SORCS3: variants seen among roughly 807,000 people sequenced by gnomAD.
The protein encoded by SORCS3 is VPS10 domain-containing receptor SorCS3.
In SORCS3, 57 loss-of-function variants were observed where a neutral mutation model predicts 146.3. The ratio of observed to expected loss-of-function variants is 0.39; its 90% CI spans 0.31 to 0.49. The LOEUF is 0.49. Among genes scored for constraint, SORCS3 ranks in the 20% least tolerant of loss-of-function variants. The probability of loss-of-function intolerance (pLI) is 0.92; values close to 1 mark genes in which losing one functional copy is unlikely to be tolerated. For synonymous variants in SORCS3, 653 were observed against 618.5 expected, an observed-to-expected ratio of 1.06 and a Z score of -0.83; for missense variants, 1,341 against 1,575.5, an observed-to-expected ratio of 0.85 and a Z score of 2.52.
At chr10:105,211,501 G>C (rs752547810) in intron 17 of SORCS3, among the ~76,000 whole-genome samples, 4 of 152,062 alleles carry the variant, frequency 2.6e-5, no homozygotes, top group Non-Finnish European at 4.4e-5. Context: ...TTACTGTTTT[G>C]GTTAATCCTT....
intron 1 of SORCS3, among the ~76,000 whole-genome samples, chr10:104,772,975 A>G (rs2017269179): frequency 6.6e-6 from 1 of 152,182 alleles, no homozygotes; most frequent in African/African-American, 2.4e-5. Context: ...ATTACCAATA[A>G]TTAGTAAATT....
intron 1 of SORCS3, among the ~76,000 whole-genome samples, chr10:104,662,976 G>T (rs1012423489): frequency 3.3e-5 from 5 of 152,176 alleles, no homozygotes; most frequent in African/African-American, 1.2e-4. Flanking sequence ...AAAAAGAAAG[G>T]CTCAGAGAGG....
chr10:104,826,983 A>G (rs926055679), intron 1 of SORCS3, among the ~76,000 whole-genome samples: 3 of 152,190 alleles, frequency 2.0e-5, no homozygotes, highest in Non-Finnish European at 4.4e-5. Context: ...TCATCTGTTT[A>G]AGTTTAATCA....
At chr10:104,807,348 A>C (rs1364151226) in intron 1 of SORCS3, among the ~76,000 whole-genome samples, 4 of 152,204 alleles carry the variant, frequency 2.6e-5, no homozygotes, top group Non-Finnish European at 5.9e-5. Flanking sequence ...GGTCTTGAGG[A>C]ATTCATGAAC....
In SORCS3 at chr10:104,776,891, C is replaced by A. The variant is rs534326508; in HGVS notation, c.628-65901C>A. On this transcript the variant is annotated intron_variant, in intron 1 of 26. Transcript: ENST00000369701. The stretch of plus-strand genomic sequence containing the variant: ...AGCAGCAGGGAAAAAAAAAAAAAAA[C>A]CTCACAAAGCCCCTCATAGTTTTAC... 2.6e-3 allele frequency among the ~76,000 whole-genome samples: 384 copies of A among 147,352 alleles called. 2 individuals carry two copies. The highest frequency in any genetic ancestry group is 9.4e-3 in the African/African-American group (375 of 40,048).
chr10:104,781,085 A>G (rs1192369049), intron 1 of SORCS3, among the ~76,000 whole-genome samples: 1 of 152,192 alleles, frequency 6.6e-6, no homozygotes, highest in Non-Finnish European at 1.5e-5. Flanking sequence ...GAGGAAAATC[A>G]CTGGTGATTA....
chr10:105,047,979 A>G (rs2055385267), intron 5 of SORCS3, among the ~76,000 whole-genome samples: 1 of 152,250 alleles, frequency 6.6e-6, no homozygotes. Flanking sequence ...CAAAACCACA[A>G]TGAGATACCA....
intron 20 of SORCS3, among the ~76,000 whole-genome samples, chr10:105,232,389 C>T (rs1323368184): frequency 2.0e-5 from 3 of 151,446 alleles, no homozygotes; most frequent in African/African-American, 7.3e-5. Flanking sequence ...AGTGATGTCC[C>T]CTCTTTCATT....
intron 14 of SORCS3, among the ~76,000 whole-genome samples, chr10:105,191,081 C>T (rs1297834764): frequency 1.3e-5 from 2 of 152,196 alleles, no homozygotes; most frequent in African/African-American, 4.8e-5. Flanking sequence ...CTTTATTCTA[C>T]AGCCACTCAG....
At chr10:104,799,780 A>G (rs1173263150) in intron 1 of SORCS3, among the ~76,000 whole-genome samples, 5 of 151,650 alleles carry the variant, frequency 3.3e-5, no homozygotes, top group African/African-American at 9.7e-5. Context: ...GGTTCACGCT[A>G]TTCTCCTGCC....
chr10:105,165,930 C>G (rs902049055), intron 12 of SORCS3, among the ~76,000 whole-genome samples: 4 of 152,132 alleles, frequency 2.6e-5, no homozygotes. Flanking sequence ...TCCCTCCTCC[C>G]CAGTGCCTCT....
intron 1 of SORCS3, among the ~76,000 whole-genome samples, chr10:104,790,137 A>G (rs2017479762): frequency 6.6e-6 from 1 of 152,244 alleles, no homozygotes; most frequent in Non-Finnish European, 1.5e-5. Context: ...CCACCACAGT[A>G]CTAAATAACA....
At chr10:104,936,155 A>G (rs1186019872) in intron 3 of SORCS3, among the ~76,000 whole-genome samples, 1 of 152,228 alleles carries the variant, frequency 6.6e-6, no homozygotes, top group Non-Finnish European at 1.5e-5. Context: ...TTATACATTC[A>G]TATGATGGAA....
chr10:104,735,754 G>A (rs2016764023), intron 1 of SORCS3, among the ~76,000 whole-genome samples: 1 of 152,038 alleles, frequency 6.6e-6, no homozygotes, highest in Non-Finnish European at 1.5e-5. Context: ...AAGGATTTTT[G>A]TTTGGGATAC....
intron 1 of SORCS3, among the ~76,000 whole-genome samples, chr10:104,709,574 A>G (rs895565524): frequency 6.6e-6 from 1 of 152,208 alleles, no homozygotes; most frequent in Non-Finnish European, 1.5e-5. Context: ...ATATCTTTTC[A>G]GCACCCCATG....
At chr10:105,261,337 G>A (rs2056959239) in intron 25 of SORCS3, among the ~76,000 whole-genome samples, 2 of 152,250 alleles carry the variant, frequency 1.3e-5, no homozygotes, top group Non-Finnish European at 2.9e-5. Context: ...GGGAACAGTT[G>A]GTTCTAAGTC....
intron 7 of SORCS3, among the ~76,000 whole-genome samples, chr10:105,124,899 G>T (rs947657927): frequency 2.0e-5 from 3 of 152,166 alleles, no homozygotes; most frequent in Non-Finnish European, 4.4e-5. Flanking sequence ...TGTACCCAAG[G>T]CCTTCTGTCT....
intron 1 of SORCS3, among the ~76,000 whole-genome samples, chr10:104,803,445 G>C (rs752570695): frequency 6.6e-6 from 1 of 152,154 alleles, no homozygotes; most frequent in South Asian, 2.1e-4. Flanking sequence ...GCTGTGGGCT[G>C]AGCACTGAGC....
At chr10:105,012,846 G>A (rs1382322552) in intron 4 of SORCS3, among the ~76,000 whole-genome samples, 1 of 152,066 alleles carries the variant, frequency 6.6e-6, no homozygotes, top group Non-Finnish European at 1.5e-5. Context: ...AAAATCTTGG[G>A]CTTTAAAGTC....
Sources: gnomAD v4.1 joint callset for allele counts (sites outside exome capture counted in the v4.1 genomes callset) on GRCh38, gnomAD v4.1.1 for gene constraint, MANE v1.5 for transcripts, NCBI Gene and HGNC (gene_info 2026-07-23, HGNC 2026-07-21) for gene names.